Variants in SLC12A6 observed in about 807,000 individuals in gnomAD.
The protein encoded by SLC12A6 is solute carrier family 12 member 6, also known as K-Cl cotransporter 3.
SLC12A6 carries 66 observed loss-of-function variants against 135.3 expected under a neutral mutation model. That is an observed-to-expected ratio of 0.49 (90% CI 0.40 to 0.60). The LOEUF is 0.60. Ranked by LOEUF, SLC12A6 falls within the 20% of genes least tolerant of loss-of-function variation. The pLI, the probability that SLC12A6 is intolerant of heterozygous loss-of-function variation, is 0.00. For missense variants in SLC12A6, 1,058 were observed against 1,452.3 expected (o/e 0.73, Z 4.41); for synonymous variants, 513 against 508.8 (o/e 1.01, Z -0.11).
intron 2 of SLC12A6, among the ~76,000 whole-genome samples, chr15:34,332,623 A>C (rs113528890): frequency 0.1 from 15,610 of 152,002 alleles, 1,056 homozygotes; most frequent in South Asian, 0.19. Context: ...ATCTCTCCTA[A>C]AACACAAAAT....
At chr15:34,255,963 G>A (rs926526557) in intron 7 of SLC12A6, among the ~76,000 whole-genome samples, 3 of 152,020 alleles carry the variant, frequency 2.0e-5, no homozygotes, top group African/African-American at 4.8e-5. Context: ...GTGAGACTCT[G>A]TCTATAAAAA....
chr15:34,240,636 A>G, intron 19 of SLC12A6, 25 bp downstream of exon 19: 1 of 1,603,414 alleles, frequency 6.2e-7, no homozygotes, highest in Non-Finnish European at 8.5e-7. Flanking sequence ...ACTGAGTTCC[A>G]ATACCTCAAA....
At position 34,233,717 on chromosome 15, in the gene SLC12A6, G is replaced by C; in HGVS notation, c.*164C>G. Reference sequence around the variant, plus strand: ...TGTAATGACTGCAGATCAGATGGGAGCTCTTTTACACAGGTACTTGAGGCT... The same window carrying C: ...TGTAATGACTGCAGATCAGATGGGACCTCTTTTACACAGGTACTTGAGGCT... On this transcript the variant is annotated 3_prime_UTR_variant, in exon 26 of 26. Transcript: ENST00000354181. 1 of 666,148 alleles carries C rather than the reference G, an allele frequency of 1.5e-6. No homozygotes were observed. Among genetic ancestry groups the C allele is most frequent in the South Asian group, 1.6e-5 (1 of 62,314 alleles). 41.3% of individuals were successfully genotyped at this position (666,148 alleles called of 1,614,324 possible).
chr15:34,281,572 G>A (rs765716522), intron 2 of SLC12A6, among the ~76,000 whole-genome samples: 4 of 152,252 alleles, frequency 2.6e-5, no homozygotes, highest in African/African-American at 4.8e-5. Context: ...AGTGGATCAC[G>A]AGGTCAGGAG....
chr15:34,251,807 T>C (rs1892411450), intron 10 of SLC12A6, among the ~76,000 whole-genome samples: 1 of 152,158 alleles, frequency 6.6e-6, no homozygotes, highest in Admixed American at 6.5e-5. Context: ...TTAGCTAAGT[T>C]AGGAAGATAC....
At chr15:34,303,950 A>G (rs974406716) in intron 2 of SLC12A6, among the ~76,000 whole-genome samples, 4 of 152,184 alleles carry the variant, frequency 2.6e-5, no homozygotes, top group Non-Finnish European at 5.9e-5. Context: ...AATTCACTCA[A>G]AGTGTTCAGT....
In SLC12A6 at chr15:34,241,337, T is replaced by G. The variant is rs1005396685; in HGVS notation, c.2163A>C (p.Gly721=). Residue 721 remains glycine (G), a splice_region_variant and synonymous_variant, in exon 18 of 26, where the codon GGA becomes GGC. Transcript: ENST00000354181. ...TACCATCACCCCATTCTTTCTCAGC[T>G]CTGTGAGAAAAAGAAAAGAGCAGAG... The part of the protein sequence containing the change: ...GMIYKYIEYQ[G]AEKEWGDGIR... The G allele has an allele frequency of 1.6e-5, 25 of 1,543,334 alleles. No individual in the cohort carries two copies. Among genetic ancestry groups the G allele is most frequent in the Non-Finnish European group, 2.2e-5 (25 of 1,115,474 alleles).
chr15:34,262,240 A>G (rs1215185132), intron 3 of SLC12A6, among the ~76,000 whole-genome samples: 1 of 151,938 alleles, frequency 6.6e-6, no homozygotes, highest in African/African-American at 2.4e-5. Flanking sequence ...GGTTTTTTAC[A>G]CTGTGTGCCT....
intron 2 of SLC12A6, among the ~76,000 whole-genome samples, chr15:34,297,383 C>T (rs759521898): frequency 6.6e-6 from 1 of 152,108 alleles, no homozygotes; most frequent in Non-Finnish European, 1.5e-5. Context: ...AGAAAGATTA[C>T]AAAGGTAGTC....
chr15:34,337,474 C>T lies in SLC12A6; in HGVS notation c.-215G>A, dbSNP rs1890275918. The T allele has an allele frequency of 6.6e-6, 1 of 152,656 alleles. No homozygotes were observed. The highest frequency in any genetic ancestry group is 1.5e-5 in the Non-Finnish European group (1 of 68,348). 9.5% of individuals were successfully genotyped at this position (152,656 alleles called of 1,614,324 possible). Reference sequence around the variant, plus strand: ...GGGAGGAGGTTAGCGGATCAAGACACCTCGGACTGCAGCTCAGAGTCGTGG... The same window carrying T: ...GGGAGGAGGTTAGCGGATCAAGACATCTCGGACTGCAGCTCAGAGTCGTGG... On this transcript the variant is annotated 5_prime_UTR_variant, in exon 1 of 26. The change creates a new upstream start codon in the 5' untranslated region. Coordinates refer to ENST00000354181, the MANE Select transcript of SLC12A6 (RefSeq NM_001365088.1).
chr15:34,255,875 G>A (rs116737222), intron 7 of SLC12A6, among the ~76,000 whole-genome samples: 1 of 152,000 alleles, frequency 6.6e-6, no homozygotes, highest in South Asian at 2.1e-4. Context: ...AGGCTGAAGT[G>A]GGAAAGCAGC....
intron 8 of SLC12A6, 149 bp downstream of exon 8, chr15:34,255,113 C>T: frequency 2.7e-6 from 2 of 746,890 alleles, no homozygotes; most frequent in East Asian, 5.0e-5. Context: ...AACCTTTCCA[C>T]CTCATATTCA....
intron 2 of SLC12A6, among the ~76,000 whole-genome samples, chr15:34,300,021 A>G (rs74947016): frequency 0.047 from 7,226 of 152,262 alleles, 185 homozygotes; most frequent in Non-Finnish European, 0.062. Context: ...TTGGAAGACT[A>G]AATGAGCAAA....
chr15:34,271,631 A>ACAC (rs914018238), intron 3 of SLC12A6, among the ~76,000 whole-genome samples: 12 of 152,158 alleles, frequency 7.9e-5, no homozygotes, highest in African/African-American at 2.9e-4. Flanking sequence ...ACACACACAG[A>ACAC]AAAGTTCATA....
At chr15:34,326,304 G>A (rs1384619518) in intron 2 of SLC12A6, among the ~76,000 whole-genome samples, 1 of 152,140 alleles carries the variant, frequency 6.6e-6, no homozygotes, top group African/African-American at 2.4e-5. Context: ...TCTGATCTAA[G>A]ATATTTCATT....
chr15:34,270,316 C>A (rs368044121), intron 3 of SLC12A6, among the ~76,000 whole-genome samples: 1 of 151,952 alleles, frequency 6.6e-6, no homozygotes, highest in Non-Finnish European at 1.5e-5. Flanking sequence ...ATCTTGAACC[C>A]CTGGCCTCAA....
intron 2 of SLC12A6, among the ~76,000 whole-genome samples, chr15:34,314,103 A>C (rs912822785): frequency 6.8e-6 from 1 of 147,226 alleles, no homozygotes. Context: ...GCTGGAGTGC[A>C]GTGGCCCGAT....
chr15:34,268,942 C>G (rs950442781), intron 3 of SLC12A6, among the ~76,000 whole-genome samples: 2 of 151,932 alleles, frequency 1.3e-5, no homozygotes, highest in Admixed American at 6.6e-5. Flanking sequence ...CTGCGACCTC[C>G]GCCTCCAGGG....
At chr15:34,329,255 C>T (rs1889678250) in intron 2 of SLC12A6, among the ~76,000 whole-genome samples, 1 of 152,192 alleles carries the variant, frequency 6.6e-6, no homozygotes, top group Non-Finnish European at 1.5e-5. Context: ...TGGCTCAGGG[C>T]ACAAAGGAGT....
Sources: allele counts gnomAD v4.1 joint callset (sites outside exome capture counted in the v4.1 genomes callset), GRCh38; gene constraint gnomAD v4.1.1; transcripts MANE v1.5; gene names NCBI Gene and HGNC (gene_info 2026-07-23, HGNC 2026-07-21).